Variants in TTC9C observed in about 807,000 individuals in gnomAD.
The protein encoded by TTC9C is tetratricopeptide repeat protein 9C.
Under a neutral mutation model 22.5 loss-of-function variants are expected in TTC9C, and 15 were observed. The ratio of observed to expected loss-of-function variants is 0.67; its 90% confidence interval spans 0.45 to 1.03. The LOEUF is 1.03. Among genes scored for constraint, TTC9C ranks in the 50% least tolerant of loss-of-function variants. TTC9C has a pLI of 0.00. For missense variants in TTC9C, 244 were observed against 214.6 expected (o/e 1.14, Z -0.86); for synonymous variants, 92 against 86.8 (o/e 1.06, Z -0.33).
At chr11:62,737,644 C>A (rs76534710) in intron 2 of TTC9C, among the ~76,000 whole-genome samples, 5,606 of 152,184 alleles carry the variant, frequency 0.037, 345 homozygotes, top group African/African-American at 0.13. Flanking sequence ...TTCTCAGCAT[C>A]CAATACATAA....
rs1440805076 is a variant in TTC9C, at chr11:62,735,439, A to C, written c.296A>C (p.Lys99Thr). 5.0e-6 allele frequency: 8 copies of C among 1,614,012 alleles called. No individual in the cohort carries two copies. In the South Asian group the frequency reaches 7.7e-5, roughly 16 times the overall value. The change falls in exon 2 of 3, where the codon AAA becomes ACA. Residue 99 changes from lysine to threonine, a missense_variant. By Grantham distance (78) the Lys-to-Thr change is moderately conservative (BLOSUM62 -1). Coordinates refer to ENST00000316461, the MANE Select transcript of TTC9C (RefSeq NM_173810.4). Reference protein sequence around the residue: ...NYERVREYSQKVLERQPDNAK... With the variant: ...NYERVREYSQTVLERQPDNAK... ...GAACGAGTGAGAGAATATAGTCAGA[A>C]AGTCCTGGAACGACAGCCTGATAAT...
intron 1 of TTC9C, among the ~76,000 whole-genome samples, chr11:62,729,578 T>TG (rs1725104693): frequency 6.8e-6 from 1 of 146,038 alleles, no homozygotes; most frequent in Non-Finnish European, 1.5e-5. Flanking sequence ...AATTTTTTTT[T>TG]TTTTTTTTTT....
chr11:62,734,261 G>A (rs553868120), intron 1 of TTC9C, among the ~76,000 whole-genome samples: 64 of 151,854 alleles, frequency 4.2e-4, no homozygotes, highest in African/African-American at 1.5e-3. Flanking sequence ...TCGCGCCATT[G>A]CACTCCAGCC....
At position 62,728,750 on chromosome 11, in the gene TTC9C, T is replaced by A; in HGVS notation, c.-99T>A. The A allele has an allele frequency of 8.4e-7, 1 of 1,194,202 alleles. No homozygotes were observed. Among genetic ancestry groups the A allele is most frequent in the Non-Finnish European group, 1.2e-6 (1 of 813,296 alleles). The allele number at this position is 1,194,202 out of a possible 1,614,324, so 74.0% of individuals were successfully genotyped here. A position where few individuals can be genotyped will look rare whatever the true frequency, so the allele number is the denominator to read the frequency against. The stretch of plus-strand genomic sequence containing the variant: ...CCAGGAAGAAGGGTAATTTCCTGCC[T>A]CCTTAAATTGGCTGCTACTGTCAGT... On this transcript the variant is annotated 5_prime_UTR_variant, in exon 1 of 3. Coordinates refer to ENST00000316461, the MANE Select transcript of TTC9C (RefSeq NM_173810.4).
chr11:62,735,471 G>T lies in TTC9C; in HGVS notation c.328G>T (p.Ala110Ser). Residue 110 changes from alanine (A) to serine (S), a missense_variant, in exon 2 of 3, where the codon GCC becomes TCC. Coordinates refer to ENST00000316461, the MANE Select transcript of TTC9C (RefSeq NM_173810.4). ...VLERQPDNAK[A>S]LYRAGVAFFH... ...GGAACGACAGCCTGATAATGCCAAG[G>T]CCTTGTATCGGGCCGGAGTGGCCTT... The T allele has an allele frequency of 6.2e-7, 1 of 1,614,104 alleles. No homozygotes were observed. Among genetic ancestry groups the T allele is most frequent in the South Asian group, 1.1e-5 (1 of 91,074 alleles).
At position 62,728,878 on chromosome 11, in the gene TTC9C, G is replaced by C. The variant is rs1319787787; in HGVS notation, c.30G>C (p.Leu10=). Residue 10 remains leucine, a synonymous_variant, in exon 1 of 3, where the codon CTG becomes CTC. Coordinates refer to ENST00000316461, the MANE Select transcript of TTC9C (RefSeq NM_173810.4). MEKRLQEAQ[L]YKEEGNQRYR... ...AGAAGCGTCTGCAGGAGGCTCAGCT[G>C]TACAAGGAGGAAGGGAACCAGCGCT... 1 of 1,614,038 alleles carries C rather than the reference G, an allele frequency of 6.2e-7. No individual in the cohort carries two copies. Among genetic ancestry groups the C allele is most frequent in the African/African-American group, 1.3e-5 (1 of 74,908 alleles).
At chr11:62,734,083 G>A (rs950568181) in intron 1 of TTC9C, among the ~76,000 whole-genome samples, 3 of 151,836 alleles carry the variant, frequency 2.0e-5, no homozygotes, top group Non-Finnish European at 2.9e-5. Context: ...CGAATCACCT[G>A]AGGTCAGGAG....
In TTC9C at chr11:62,735,376, C is replaced by A; in HGVS notation, c.239-6C>A. 6.2e-7 allele frequency: 1 copy of A among 1,613,476 alleles called. No individual in the cohort carries two copies. Among genetic ancestry groups the A allele is most frequent in the South Asian group, 1.1e-5 (1 of 91,038 alleles). On this transcript the variant is annotated splice_region_variant and splice_polypyrimidine_tract_variant and intron_variant, in intron 1 of 2. Coordinates refer to ENST00000316461, the MANE Select transcript of TTC9C (RefSeq NM_173810.4). Reference sequence around the variant, plus strand: ...ACCTCTTCTCTCTTTTCATTTGGCCCATTAGCTTGTCTCCTTCAGATGGAG... The same window carrying A: ...ACCTCTTCTCTCTTTTCATTTGGCCAATTAGCTTGTCTCCTTCAGATGGAG...
At chr11:62,730,667 G>A (rs1284098929) in intron 1 of TTC9C, among the ~76,000 whole-genome samples, 3 of 151,986 alleles carry the variant, frequency 2.0e-5, no homozygotes, top group Admixed American at 6.6e-5. Context: ...TCCGCCTCCC[G>A]GGTTCAAGCA....
At chr11:62,733,288 GACA>G (rs923184915) in intron 1 of TTC9C, 39 of 617,976 alleles carry the variant, frequency 6.3e-5, no homozygotes, top group Non-Finnish European at 7.9e-5. Flanking sequence ...TTTGGAGTTA[GACA>G]ACACTTCATT....
Position 62,729,372 on chromosome 11 carries a change from T to TTTTTA in TTC9C, c.238+321_238+325dup, listed in dbSNP as rs140723477. On this transcript the variant is annotated intron_variant, in intron 1 of 2. Transcript: ENST00000316461. Reference sequence around the variant, plus strand: ...GCCTATCAGTTTGCATTTCTTTATTTTTTTATTTTATTTTATTTTATTTTA... The same window carrying TTTTTA: ...GCCTATCAGTTTGCATTTCTTTATTTTTTTATTTTATTTTATTTTATTTTATTTTA... 3.3e-3 allele frequency among the ~76,000 whole-genome samples: 455 copies of TTTTTA among 138,240 alleles called. 1 individual carries two copies. Among genetic ancestry groups the TTTTTA allele is most frequent in the African/African-American group, 0.011 (409 of 38,080 alleles). 90.7% of individuals were successfully genotyped at this position (138,240 alleles called of 152,430 possible). A position where few individuals can be genotyped will look rare whatever the true frequency, so the allele number is the denominator to read the frequency against.
intron 1 of TTC9C, among the ~76,000 whole-genome samples, chr11:62,734,314 T>A (rs12419051): frequency 0.017 from 2,451 of 144,520 alleles, 38 homozygotes; most frequent in Non-Finnish European, 0.025. Context: ...AAAAATAGGG[T>A]CTCACCTGGG....
chr11:62,733,057 C>T, intron 1 of TTC9C: 1 of 1,037,912 alleles, frequency 9.6e-7, no homozygotes. Flanking sequence ...GTGCTCATCA[C>T]TGCTGATTCT....
rs2083901662 is a variant in TTC9C at position 62,735,529 on chromosome 11, A to G, written c.386A>G (p.His129Arg). ...CTGCAGGACTATGACCAGGCCCGCC[A>G]CTACCTCCTGGCTGCCGTGAATAGG... is the stretch of plus-strand genomic sequence containing the variant. ...FHLQDYDQAR[H>R]YLLAAVNRQP... Residue 129 changes from histidine (H) to arginine (R), a missense_variant, in exon 2 of 3, where the codon CAC becomes CGC. Physicochemically the swap from His to Arg is conservative, Grantham distance 29 (BLOSUM62 0). Coordinates refer to ENST00000316461, the MANE Select transcript of TTC9C (RefSeq NM_173810.4). The G allele has an allele frequency of 6.2e-7, 1 of 1,613,850 alleles. No individual in the cohort carries two copies. The highest frequency in any genetic ancestry group is 1.7e-5 in the Admixed American group (1 of 59,988).
chr11:62,729,259 C>T (rs2134799087), intron 1 of TTC9C, among the ~76,000 whole-genome samples, 173 bp downstream of exon 1: 1 of 151,974 alleles, frequency 6.6e-6, no homozygotes, highest in Middle Eastern at 3.4e-3. Flanking sequence ...TGCCATAGAG[C>T]AGGGCTTCTC....
intron 1 of TTC9C, among the ~76,000 whole-genome samples, chr11:62,734,702 T>G (rs977645229): frequency 2.0e-5 from 3 of 152,138 alleles, no homozygotes; most frequent in African/African-American, 7.2e-5. Context: ...AGGCTGGTCT[T>G]GAACTCCTGG....
At chr11:62,734,274 G>A (rs2083885772) in intron 1 of TTC9C, among the ~76,000 whole-genome samples, 1 of 151,132 alleles carries the variant, frequency 6.6e-6, no homozygotes, top group South Asian at 2.1e-4. Context: ...CTCCAGCCTG[G>A]GCGACAGAGC....
At chr11:62,734,950 G>A (rs991481122) in intron 1 of TTC9C, among the ~76,000 whole-genome samples, 1 of 152,218 alleles carries the variant, frequency 6.6e-6, no homozygotes, top group East Asian at 1.9e-4. Flanking sequence ...AGGCTAGAGT[G>A]CAATGGCACG....
At chr11:62,732,839 T>A (rs2083867683) in intron 1 of TTC9C, among the ~76,000 whole-genome samples, 1 of 151,534 alleles carries the variant, frequency 6.6e-6, no homozygotes, top group Non-Finnish European at 1.5e-5. Flanking sequence ...AGAGAATCGC[T>A]TGAACCTGGG....
Sources: gnomAD v4.1 joint callset for allele counts (sites outside exome capture counted in the v4.1 genomes callset) on GRCh38, gnomAD v4.1.1 for gene constraint, MANE v1.5 for transcripts, NCBI Gene and HGNC (gene_info 2026-07-23, HGNC 2026-07-21) for gene names.